TOX: variants seen among roughly 807,000 people sequenced by gnomAD.
TOX encodes the protein thymocyte selection associated high mobility group box, also known as thymocyte selection-associated high mobility group box protein TOX.
TOX carries 11 observed loss-of-function variants against 53.7 expected under a neutral mutation model. The ratio of observed to expected loss-of-function variants is 0.20; its 90% confidence interval spans 0.13 to 0.34. TOX has a LOEUF of 0.34. Ranked by LOEUF, TOX falls within the 10% of genes least tolerant of loss-of-function variation. TOX has a pLI of 1.00. For synonymous variants in TOX, 225 were observed against 245.3 expected (o/e 0.92, Z 0.77); for missense variants, 570 against 664.6 (o/e 0.86, Z 1.56).
chr8:59,051,692 G>A (rs1418426764), intron 1 of TOX, among the ~76,000 whole-genome samples: 1 of 151,970 alleles, frequency 6.6e-6, no homozygotes, highest in Non-Finnish European at 1.5e-5. Context: ...TAAAACTTTC[G>A]TAAACAATCT....
chr8:59,050,910 C>T (rs1209423703), intron 1 of TOX, among the ~76,000 whole-genome samples: 1 of 152,116 alleles, frequency 6.6e-6, no homozygotes, highest in African/African-American at 2.4e-5. Context: ...TCATTCTTTG[C>T]TTTGAAGATC....
intron 6 of TOX, among the ~76,000 whole-genome samples, chr8:58,816,791 T>A (rs1810186046): frequency 6.6e-6 from 1 of 152,214 alleles, no homozygotes. Context: ...ATGAGGGCTC[T>A]CGGGGTCCTT....
intron 3 of TOX, among the ~76,000 whole-genome samples, chr8:58,900,174 A>G (rs187956210): frequency 5.3e-5 from 8 of 152,266 alleles, no homozygotes; most frequent in Admixed American, 3.3e-4. Flanking sequence ...ACAAAGAAGT[A>G]TCTCCCATTC....
intron 1 of TOX, among the ~76,000 whole-genome samples, chr8:59,057,183 TTA>T (rs1199264714): frequency 2.0e-5 from 3 of 152,058 alleles, no homozygotes; most frequent in Non-Finnish European, 4.4e-5. Context: ...ACTAGTAAAT[TTA>T]TATTTAAATA....
intron 3 of TOX, among the ~76,000 whole-genome samples, chr8:58,933,582 C>T (rs919798587): frequency 1.3e-5 from 2 of 151,652 alleles, no homozygotes; most frequent in African/African-American, 4.8e-5. Flanking sequence ...GTGGGGGGTG[C>T]AGTTAAAACA....
chr8:59,113,482 G>A (rs1025497205), intron 1 of TOX, among the ~76,000 whole-genome samples: 4 of 152,176 alleles, frequency 2.6e-5, no homozygotes, highest in Admixed American at 2.6e-4. Flanking sequence ...CAAGCCTGAG[G>A]GCTGGTAGAT....
chr8:58,836,890 A>T (rs1200857828), intron 5 of TOX, among the ~76,000 whole-genome samples: 3 of 152,216 alleles, frequency 2.0e-5, no homozygotes, highest in Admixed American at 6.5e-5. Flanking sequence ...AGTGCCTGGC[A>T]CATAAGTGCT....
chr8:58,850,420 C>A (rs552520735), intron 4 of TOX, among the ~76,000 whole-genome samples: 1 of 152,262 alleles, frequency 6.6e-6, no homozygotes, highest in East Asian at 1.9e-4. Context: ...GGCTGGCATG[C>A]TGAGTAAGCC....
intron 3 of TOX, among the ~76,000 whole-genome samples, chr8:58,936,823 C>T (rs901204517): frequency 6.6e-6 from 1 of 152,170 alleles, no homozygotes; most frequent in Admixed American, 6.6e-5. Flanking sequence ...ATGCTAGAAT[C>T]AACATCATTA....
chr8:59,034,814 C>A (rs532384939), intron 1 of TOX, among the ~76,000 whole-genome samples: 2 of 152,296 alleles, frequency 1.3e-5, no homozygotes, highest in East Asian at 3.9e-4. Flanking sequence ...GTGCCAGGTG[C>A]CATTCAAAGG....
chr8:58,809,529 G>A (rs1027544983), intron 7 of TOX, among the ~76,000 whole-genome samples: 32 of 152,182 alleles, frequency 2.1e-4, no homozygotes, highest in African/African-American at 7.5e-4. Context: ...TCCCACACAA[G>A]CTGTGGACAA....
At chr8:59,067,361 C>T (rs755522728) in intron 1 of TOX, among the ~76,000 whole-genome samples, 1 of 152,114 alleles carries the variant, frequency 6.6e-6, no homozygotes, top group Non-Finnish European at 1.5e-5. Context: ...TGATACCAGC[C>T]TGGCCAACAT....
In TOX at chr8:58,875,994, A is replaced by G. The variant is rs528344549; in HGVS notation, c.412-24189T>C. Among the ~76,000 whole-genome samples, 4 of 152,308 alleles carry G rather than the reference A, an allele frequency of 2.6e-5. No individual in the cohort carries two copies. The East Asian group carries it at 5.8e-4, about 22-fold the overall frequency. Reference sequence around the variant, plus strand: ...CAGACTGATCTGGTCCTCAGATCCTAGATTACTTTTCTTTGTATACTTAAC... The same window carrying G: ...CAGACTGATCTGGTCCTCAGATCCTGGATTACTTTTCTTTGTATACTTAAC... On this transcript the variant is annotated intron_variant, in intron 3 of 8. Transcript: ENST00000361421.
chr8:58,834,454 G>T (rs773631599), intron 5 of TOX, among the ~76,000 whole-genome samples: 12 of 152,178 alleles, frequency 7.9e-5, no homozygotes, highest in Non-Finnish European at 1.8e-4. Context: ...AGCAGTATGT[G>T]TGTTCCCCAA....
At chr8:58,929,311 G>A (rs1812220146) in intron 3 of TOX, among the ~76,000 whole-genome samples, 1 of 151,992 alleles carries the variant, frequency 6.6e-6, no homozygotes, top group African/African-American at 2.4e-5. Context: ...GTATTTTAAT[G>A]ACTGTAACAA....
intron 3 of TOX, among the ~76,000 whole-genome samples, chr8:58,937,312 A>G (rs1812361743): frequency 6.6e-6 from 1 of 152,254 alleles, no homozygotes; most frequent in South Asian, 2.1e-4. Flanking sequence ...CTAGGGAAAC[A>G]TCATGTTGAG....
At chr8:59,066,423 G>A (rs868262297) in intron 1 of TOX, among the ~76,000 whole-genome samples, 31 of 151,926 alleles carry the variant, frequency 2.0e-4, no homozygotes, top group Middle Eastern at 3.4e-3. Context: ...GATTAATAAC[G>A]TATTAAATGT....
intron 1 of TOX, among the ~76,000 whole-genome samples, chr8:59,076,005 C>CAAAAA (rs1171417604): frequency 1.0e-5 from 1 of 99,546 alleles, no homozygotes; most frequent in Non-Finnish European, 1.9e-5. Flanking sequence ...AACTCCATCT[C>CAAAAA]AAAAAAAAAA....
At chr8:58,934,287 C>T (rs1001032066) in intron 3 of TOX, among the ~76,000 whole-genome samples, 1 of 151,976 alleles carries the variant, frequency 6.6e-6, no homozygotes, top group African/African-American at 2.4e-5. Context: ...ATGGCACAGA[C>T]AAGAAAATGC....
Sources: gnomAD v4.1 joint callset for allele counts (sites outside exome capture counted in the v4.1 genomes callset) on GRCh38, gnomAD v4.1.1 for gene constraint, MANE v1.5 for transcripts, NCBI Gene and HGNC (gene_info 2026-07-23, HGNC 2026-07-21) for gene names.